LAPTM4B: variants seen among roughly 807,000 people sequenced by gnomAD.
LAPTM4B encodes the protein lysosomal protein transmembrane 4 beta.
Under a neutral mutation model 28.5 loss-of-function variants are expected in LAPTM4B, and 26 were observed. That is an observed-to-expected ratio of 0.91 (90% CI 0.67 to 1.27). The LOEUF (loss-of-function observed/expected upper bound fraction) is 1.27. Among genes scored for constraint, LAPTM4B ranks in the 50% most tolerant of loss-of-function variants. LAPTM4B has a pLI of 0.00. For missense variants in LAPTM4B, 288 were observed against 285.8 expected, an observed-to-expected ratio of 1.01 and a Z score of -0.06; for synonymous variants, 109 against 106.4, an observed-to-expected ratio of 1.02 and a Z score of -0.15.
intron 3 of LAPTM4B, 105 bp downstream of exon 3, chr8:97,815,506 A>T: frequency 1.3e-6 from 1 of 795,874 alleles, no homozygotes; most frequent in South Asian, 1.6e-5. Context: ...TCTGTTAAGA[A>T]TCTCTGTTTA....
chr8:97,830,907 C>T (rs893738725), intron 6 of LAPTM4B, among the ~76,000 whole-genome samples: 1 of 152,014 alleles, frequency 6.6e-6, no homozygotes, highest in South Asian at 2.1e-4. Context: ...AAGATAGTTA[C>T]CAAGAGGGCT....
chr8:97,782,174 T>G (rs1036056795), intron 1 of LAPTM4B, among the ~76,000 whole-genome samples: 2 of 151,606 alleles, frequency 1.3e-5, no homozygotes, highest in African/African-American at 4.9e-5. Context: ...GATAACAGGA[T>G]TTCTCCATGT....
chr8:97,811,424 A>G (rs919833764), intron 2 of LAPTM4B, among the ~76,000 whole-genome samples: 1 of 151,838 alleles, frequency 6.6e-6, no homozygotes, highest in African/African-American at 2.4e-5. Context: ...AAATGAAGCA[A>G]TCAGAGATGA....
intron 5 of LAPTM4B, among the ~76,000 whole-genome samples, chr8:97,822,234 G>A (rs1323841881): frequency 1.4e-5 from 2 of 143,642 alleles, no homozygotes; most frequent in Non-Finnish European, 2.9e-5. Flanking sequence ...ATTGTAGTTC[G>A]TCTTTGAAGG....
At chr8:97,844,546 T>C (rs1817400066) in intron 6 of LAPTM4B, among the ~76,000 whole-genome samples, 1 of 152,222 alleles carries the variant, frequency 6.6e-6, no homozygotes, top group Admixed American at 6.5e-5. Context: ...TTTTGGGTAC[T>C]TCTAGATTAC....
At chr8:97,796,535 A>G (rs1816587069) in intron 1 of LAPTM4B, among the ~76,000 whole-genome samples, 1 of 152,216 alleles carries the variant, frequency 6.6e-6, no homozygotes, top group Non-Finnish European at 1.5e-5. Context: ...TTATGCTTAC[A>G]TTATGCTTAC....
chr8:97,805,605 G>C, intron 2 of LAPTM4B, 141 bp downstream of exon 2: 1 of 629,682 alleles, frequency 1.6e-6, no homozygotes, highest in Admixed American at 2.7e-5. Context: ...ATTTGTGTGC[G>C]TCTAACATTC....
At chr8:97,839,580 T>A (rs1817314269) in intron 6 of LAPTM4B, among the ~76,000 whole-genome samples, 1 of 152,192 alleles carries the variant, frequency 6.6e-6, no homozygotes, top group South Asian at 2.1e-4. Context: ...CAGAGCAACA[T>A]TCGAGAAGAC....
At chr8:97,806,794 T>C (rs1402642158) in intron 2 of LAPTM4B, among the ~76,000 whole-genome samples, 2 of 152,082 alleles carry the variant, frequency 1.3e-5, no homozygotes, top group Non-Finnish European at 2.9e-5. Flanking sequence ...TCATCTCTAC[T>C]AAAAATAGAA....
At chr8:97,823,052 A>C (rs538005416) in intron 5 of LAPTM4B, among the ~76,000 whole-genome samples, 32 of 152,216 alleles carry the variant, frequency 2.1e-4, no homozygotes, top group Admixed American at 1.6e-3. Flanking sequence ...CGCGTTAGCC[A>C]GGGTGGTCTC....
intron 6 of LAPTM4B, among the ~76,000 whole-genome samples, chr8:97,839,055 T>C (rs1350460774): frequency 6.6e-6 from 1 of 152,206 alleles, no homozygotes; most frequent in Non-Finnish European, 1.5e-5. Flanking sequence ...TGGGTGAGAT[T>C]GGACTACATG....
intron 6 of LAPTM4B, among the ~76,000 whole-genome samples, chr8:97,832,536 T>C (rs528048579): frequency 6.6e-6 from 1 of 152,310 alleles, no homozygotes; most frequent in South Asian, 2.1e-4. Flanking sequence ...TAAAATTTTC[T>C]TCTGAAAGAA....
At chr8:97,804,618 A>T (rs941086549) in intron 1 of LAPTM4B, among the ~76,000 whole-genome samples, 5 of 152,228 alleles carry the variant, frequency 3.3e-5, no homozygotes, top group African/African-American at 1.2e-4. Flanking sequence ...GAGATTCCAC[A>T]TAAAGCACTT....
intron 6 of LAPTM4B, among the ~76,000 whole-genome samples, chr8:97,846,578 C>T (rs1256930671): frequency 6.6e-6 from 1 of 152,156 alleles, no homozygotes; most frequent in Non-Finnish European, 1.5e-5. Flanking sequence ...CTGCCCACCT[C>T]AGTCTCCCAG....
chr8:97,794,254 A>T (rs1816547265), intron 1 of LAPTM4B, among the ~76,000 whole-genome samples: 2 of 152,220 alleles, frequency 1.3e-5, no homozygotes, highest in Admixed American at 6.5e-5. Flanking sequence ...TGGTGGGATT[A>T]CAGGTGTGAG....
chr8:97,808,795 C>T (rs1816789423), intron 2 of LAPTM4B, among the ~76,000 whole-genome samples: 1 of 151,906 alleles, frequency 6.6e-6, no homozygotes, highest in Admixed American at 6.6e-5. Flanking sequence ...CCTGTCTCTA[C>T]TAAAAATACA....
At chr8:97,787,655 A>G (rs537192511) in intron 1 of LAPTM4B, among the ~76,000 whole-genome samples, 1 of 152,330 alleles carries the variant, frequency 6.6e-6, no homozygotes, top group South Asian at 2.1e-4. Context: ...TCTTTTAAAG[A>G]ATACAAGTCC....
chr8:97,809,429 G>A (rs548130857), intron 2 of LAPTM4B, among the ~76,000 whole-genome samples: 32 of 152,310 alleles, frequency 2.1e-4, no homozygotes, highest in Non-Finnish European at 4.6e-4. Flanking sequence ...ACCAGGTGCG[G>A]TAGCTCACAT....
chr8:97,777,137 GTTT>G (rs1176218610), intron 1 of LAPTM4B, among the ~76,000 whole-genome samples: 1,644 of 83,532 alleles, frequency 0.02, 9 homozygotes, highest in African/African-American at 0.074. Flanking sequence ...TTTCAGTGAG[GTTT>G]TTTTTTTTTT....
Sources: gnomAD v4.1 joint callset for allele counts (sites outside exome capture counted in the v4.1 genomes callset) on GRCh38, gnomAD v4.1.1 for gene constraint, MANE v1.5 for transcripts, NCBI Gene and HGNC (gene_info 2026-07-23, HGNC 2026-07-21) for gene names.